Variants in BRDT observed in about 807,000 individuals in gnomAD.
BRDT encodes the protein bromodomain testis associated.
In BRDT, 77 loss-of-function variants were observed where a neutral mutation model predicts 113.9. That is an observed-to-expected ratio of 0.68 (90% CI 0.56 to 0.82). BRDT has a LOEUF of 0.82. BRDT is among the 40% of genes least tolerant of loss of function. The pLI is 0.00. For missense variants in BRDT, 1,027 were observed against 1,105.4 expected (o/e 0.93, Z 1.01); for synonymous variants, 358 against 366.5 (o/e 0.98, Z 0.26).
At position 91,981,663 on chromosome 1, in the gene BRDT, T is replaced by C. The variant is rs1463444157; in HGVS notation, c.1910T>C (p.Leu637Pro). ...AAAGCTGTTGAAAATGTTTCCCGAC[T>C]GAGTGAGAGCAGCAGCAGCAGCAGC... ...PSKAVENVSR[L>P]SESSSSSSSS... is the part of the protein sequence containing the mutation. Residue 637 changes from leucine to proline, a missense_variant, in exon 12 of 19, where the codon CTG (leucine) becomes CCG (proline). Leu to Pro is a moderately conservative substitution (Grantham distance 98). Coordinates refer to ENST00000399546, the MANE Select transcript of BRDT (RefSeq NM_207189.4). The C allele has an allele frequency of 6.2e-7, 1 of 1,614,054 alleles. No individual in the cohort carries two copies. The highest frequency in any genetic ancestry group is 8.5e-7 in the Non-Finnish European group (1 of 1,180,028).
At chr1:92,005,095 T>TG in intron 17 of BRDT, 24 bp from the exon 18 acceptor site, 2 of 1,434,180 alleles carry the variant, frequency 1.4e-6, no homozygotes, top group Non-Finnish European at 1.8e-6. Context: ...AAACCTACTT[T>TG]GAGCTATACT....
intron 15 of BRDT, among the ~76,000 whole-genome samples, chr1:91,998,513 C>CTTTTTTTAAATTTTTTTAAATTTT (rs1686555559): frequency 6.6e-6 from 1 of 152,114 alleles, no homozygotes; most frequent in Admixed American, 6.6e-5. Flanking sequence ...TTTTTTTAAA[C>CTTTTTTTAAATTTTTTTAAATTTT]TTCACCAAAT....
intron 15 of BRDT, 93 bp downstream of exon 15, chr1:91,994,347 T>C (rs546049476): frequency 1.1e-4 from 118 of 1,052,410 alleles, no homozygotes; most frequent in Non-Finnish European, 1.5e-4. Context: ...AAATGTTAAA[T>C]ATCTGGGAAA....
chr1:91,991,410 C>A (rs991527056), intron 13 of BRDT, among the ~76,000 whole-genome samples, 165 bp downstream of exon 13: 1 of 151,858 alleles, frequency 6.6e-6, no homozygotes, highest in Non-Finnish European at 1.5e-5. Context: ...TGAAGAAAAC[C>A]GAATAGGGAA....
chr1:91,973,853 T>G (rs968049819), intron 4 of BRDT, among the ~76,000 whole-genome samples: 3 of 152,168 alleles, frequency 2.0e-5, no homozygotes, highest in Non-Finnish European at 4.4e-5. Context: ...CCCTGTCTTG[T>G]GCAAGTTTTC....
In BRDT at chr1:92,014,087, T is replaced by G; in HGVS notation, c.2776-119T>G. 7.8e-6 allele frequency: 5 copies of G among 640,040 alleles called. No individual in the cohort carries two copies. In the South Asian group the frequency reaches 1.2e-4, roughly 15 times the overall value. 39.6% of individuals were successfully genotyped at this position (640,040 alleles called of 1,614,324 possible). On this transcript the variant is annotated intron_variant, in intron 18 of 18. Transcript: ENST00000399546. ...ACCTGAGAAAATAAAAATTAAAAAA[T>G]TATTGAATAGTTTTCTTTTGTATGA...
intron 7 of BRDT, 77 bp from the exon 8 acceptor site, chr1:91,979,492 A>G (rs2101665665): frequency 7.3e-7 from 1 of 1,367,768 alleles, no homozygotes; most frequent in African/African-American, 1.5e-5. Flanking sequence ...ACTGAAATGT[A>G]CTTTTTGTTA....
rs868583712 is a variant in BRDT at position 91,994,767 on chromosome 1, C to T, written c.2287+513C>T. On this transcript the variant is annotated intron_variant, in intron 15 of 18. Coordinates refer to ENST00000399546, the MANE Select transcript of BRDT (RefSeq NM_207189.4). Reference sequence around the variant, plus strand: ...CCTGTAGTCCCAGCTACTTGGGAGGCTGAGGCAGGAGAATGGCGTGAACCC... The same window carrying T: ...CCTGTAGTCCCAGCTACTTGGGAGGTTGAGGCAGGAGAATGGCGTGAACCC... 6.3e-4 allele frequency among the ~76,000 whole-genome samples: 91 copies of T among 143,516 alleles called. 1 individual carries two copies. The highest frequency in any genetic ancestry group is 9.2e-4 in the Non-Finnish European group (61 of 66,134). 94.2% of individuals were successfully genotyped at this position (143,516 alleles called of 152,430 possible). A position where few individuals can be genotyped will look rare whatever the true frequency, so the allele number is the denominator to read the frequency against.
chr1:91,981,950 A>G (rs1684771221), intron 12 of BRDT, among the ~76,000 whole-genome samples, 195 bp downstream of exon 12: 1 of 152,222 alleles, frequency 6.6e-6, no homozygotes, highest in African/African-American at 2.4e-5. Flanking sequence ...ACTTCGTATT[A>G]TATGTATATG....
At chr1:91,957,259 C>T (rs189539077) in intron 1 of BRDT, among the ~76,000 whole-genome samples, 2 of 151,996 alleles carry the variant, frequency 1.3e-5, no homozygotes, top group South Asian at 2.1e-4. Context: ...TTTGGGAGGC[C>T]GAGGCAGGCG....
At chr1:91,969,056 C>T (rs1465614674) in intron 4 of BRDT, among the ~76,000 whole-genome samples, 4 of 152,018 alleles carry the variant, frequency 2.6e-5, no homozygotes, top group Non-Finnish European at 5.9e-5. Flanking sequence ...CCTGCCTCAG[C>T]CTCCAGAGTA....
chr1:92,002,107 C>T lies in BRDT; in HGVS notation c.2346C>T (p.Asp782=). The T allele has an allele frequency of 1.9e-6, 3 of 1,613,782 alleles. No individual in the cohort carries two copies. Among genetic ancestry groups the T allele is most frequent in the Non-Finnish European group, 1.7e-6 (2 of 1,179,816 alleles). ...ITVMHPSGDS[D]TTMLESECQA... Reference sequence around the variant, plus strand: ...TGATGCATCCATCTGGTGATAGTGACACAACGATGTTAGAATCTGAATGTC... The same window carrying T: ...TGATGCATCCATCTGGTGATAGTGATACAACGATGTTAGAATCTGAATGTC... Residue 782 remains aspartate, a synonymous_variant, in exon 16 of 19, where the codon GAC becomes GAT. Transcript: ENST00000399546.
rs373873383 is a variant in BRDT at position 91,980,126 on chromosome 1, A to G, written c.1287+369A>G. 2.0e-5 allele frequency among the ~76,000 whole-genome samples: 3 copies of G among 152,262 alleles called. No homozygotes were observed. In the East Asian group the frequency reaches 5.8e-4, roughly 29 times the overall value. On this transcript the variant is annotated intron_variant, in intron 8 of 18. Coordinates refer to ENST00000399546, the MANE Select transcript of BRDT (RefSeq NM_207189.4). Reference sequence around the variant, plus strand: ...ATCAATGATTAAAAACTTAAGACCAACCAGGCACCGTGGCTCACGCCTGTA... The same window carrying G: ...ATCAATGATTAAAAACTTAAGACCAGCCAGGCACCGTGGCTCACGCCTGTA...
At chr1:91,998,360 A>T (rs1200883656) in intron 15 of BRDT, among the ~76,000 whole-genome samples, 1 of 151,942 alleles carries the variant, frequency 6.6e-6, no homozygotes, top group Non-Finnish European at 1.5e-5. Context: ...CTGTTGGGGG[A>T]TGGGGGGCTA....
chr1:91,960,240 A>G (rs1394792235), intron 1 of BRDT, among the ~76,000 whole-genome samples: 1 of 152,222 alleles, frequency 6.6e-6, no homozygotes, highest in Non-Finnish European at 1.5e-5. Context: ...AGACACTTGT[A>G]AACCCATGTT....
At chr1:92,004,718 T>C in intron 17 of BRDT, 99 bp downstream of exon 17, 1 of 1,099,314 alleles carries the variant, frequency 9.1e-7, no homozygotes, top group South Asian at 1.8e-5. Flanking sequence ...ATTCAACTGT[T>C]TAGTAGAACA....
chr1:91,953,237 G>T (rs1557792967), intron 1 of BRDT, among the ~76,000 whole-genome samples: 1 of 152,106 alleles, frequency 6.6e-6, no homozygotes, highest in Non-Finnish European at 1.5e-5. Flanking sequence ...TTTGGAATTA[G>T]TGTATAAGCT....
intron 8 of BRDT, 60 bp downstream of exon 8, chr1:91,979,817 T>C: frequency 6.7e-7 from 1 of 1,489,312 alleles, no homozygotes; most frequent in Non-Finnish European, 9.0e-7. Flanking sequence ...TATCAGGAAA[T>C]TTTTTCTGCA....
intron 17 of BRDT, 151 bp from the exon 18 acceptor site, chr1:92,004,968 A>G (rs1169934200): frequency 1.6e-6 from 1 of 628,574 alleles, no homozygotes; most frequent in East Asian, 3.3e-5. Context: ...CCTATGTGTA[A>G]TTTGATGCAT....
Sources: allele counts gnomAD v4.1 joint callset (sites outside exome capture counted in the v4.1 genomes callset), GRCh38; gene constraint gnomAD v4.1.1; transcripts MANE v1.5; gene names NCBI Gene and HGNC (gene_info 2026-07-23, HGNC 2026-07-21).